The following GOLM2 variants were observed in gnomAD, a reference collection of about 807,000 sequenced individuals.
The protein encoded by GOLM2 is golgi membrane protein 2.
A neutral mutation model predicts 55.9 loss-of-function variants in GOLM2; 26 were observed. The ratio of observed to expected loss-of-function variants is 0.47; its 90% CI spans 0.34 to 0.65. GOLM2 has a LOEUF of 0.65. Among genes scored for constraint, GOLM2 ranks in the 30% least tolerant of loss-of-function variants. The pLI is 0.01. For synonymous variants in GOLM2, 165 were observed against 194.6 expected (o/e 0.85, Z 1.27); for missense variants, 486 against 531.8 (o/e 0.91, Z 0.85).
At chr15:44,353,107 A>G (rs2079175816) in intron 6 of GOLM2, among the ~76,000 whole-genome samples, 1 of 152,234 alleles carries the variant, frequency 6.6e-6, no homozygotes, top group African/African-American at 2.4e-5. Context: ...AAGAAGACGT[A>G]CAAATGGCAA....
intron 2 of GOLM2, among the ~76,000 whole-genome samples, chr15:44,328,094 C>T (rs938335379): frequency 6.6e-6 from 1 of 152,168 alleles, no homozygotes; most frequent in African/African-American, 2.4e-5. Flanking sequence ...GTCTCCACAG[C>T]TTAGCATGTG....
At position 44,402,943 on chromosome 15, in the gene GOLM2, G is replaced by T; in HGVS notation, c.1129G>T (p.Ala377Ser). 6.2e-7 allele frequency: 1 copy of T among 1,614,012 alleles called. No individual in the cohort carries two copies. Among genetic ancestry groups the T allele is most frequent in the Non-Finnish European group, 8.5e-7 (1 of 1,180,012 alleles). Residue 377 changes from alanine (A) to serine (S), a missense_variant, in exon 9 of 10, where the codon GCG becomes TCG. Physicochemically the swap from Ala to Ser is moderately conservative, Grantham distance 99 (BLOSUM62 1). Transcript: ENST00000299957. ...TGATCCGCAGCATGGCTCTAAACTG[G>T]CGGATTATAATGGGGATGATGGTAA... Reference protein sequence around the residue: ...PVDPQHGSKLADYNGDDGNVG... With the variant: ...PVDPQHGSKLSDYNGDDGNVG...
At chr15:44,307,206 C>T (rs2078843519) in intron 1 of GOLM2, 1 of 152,964 alleles carries the variant, frequency 6.5e-6, no homozygotes, top group Non-Finnish European at 1.5e-5. Flanking sequence ...TAACATGATA[C>T]TAATTCTTTT....
intron 4 of GOLM2, among the ~76,000 whole-genome samples, chr15:44,334,811 C>T (rs762209796): frequency 2.6e-5 from 4 of 152,162 alleles, no homozygotes; most frequent in Non-Finnish European, 5.9e-5. Flanking sequence ...GTGGGTGGAT[C>T]ATGAGGTCAG....
At chr15:44,318,157 A>G (rs1356158656) in intron 1 of GOLM2, among the ~76,000 whole-genome samples, 1 of 152,186 alleles carries the variant, frequency 6.6e-6, no homozygotes, top group East Asian at 1.9e-4. Context: ...ATTTGTAGAC[A>G]CTGAAGTTTC....
In GOLM2 at chr15:44,332,056, AC is replaced by A; in HGVS notation, c.556del (p.Gln186SerfsTer3). ...GAAGAAAATATTAAAAAGTTAGCAG[AC>A]CAGTTTTTAGAGGAACAAAAGGTAA... is the stretch of plus-strand genomic sequence containing the variant. ...QHEENIKKLA[D>X]QFLEEQKQET... On this transcript the variant is annotated frameshift_variant, in exon 4 of 10. Coordinates refer to ENST00000299957, the MANE Select transcript of GOLM2 (RefSeq NM_138423.4). LOFTEE classifies it high-confidence loss of function. 6.3e-7 allele frequency: 1 copy of A among 1,592,292 alleles called. No individual in the cohort carries two copies. Among genetic ancestry groups the A allele is most frequent in the Non-Finnish European group, 8.6e-7 (1 of 1,166,220 alleles).
intron 4 of GOLM2, among the ~76,000 whole-genome samples, chr15:44,333,122 CAG>C (rs2079033375): frequency 6.6e-6 from 1 of 152,070 alleles, no homozygotes; most frequent in East Asian, 1.9e-4. Flanking sequence ...TTAGTAGAGA[CAG>C]GGTTTCACCA....
intron 9 of GOLM2, among the ~76,000 whole-genome samples, chr15:44,410,732 CAA>C (rs35065961): frequency 1.1e-4 from 11 of 96,068 alleles, no homozygotes; most frequent in Non-Finnish European, 8.8e-5. Context: ...CCTGTCTCTA[CAA>C]AAAAAAAAAA....
intron 1 of GOLM2, among the ~76,000 whole-genome samples, chr15:44,300,616 A>G (rs1044791286): frequency 5.3e-5 from 8 of 152,210 alleles, no homozygotes; most frequent in African/African-American, 1.9e-4. Flanking sequence ...CAGTTCTTAT[A>G]GTGTGGCATG....
Position 44,328,718 on chromosome 15 carries a change from G to C in GOLM2, c.416G>C (p.Arg139Pro), listed in dbSNP as rs1225761457. 3.7e-6 allele frequency: 6 copies of C among 1,612,952 alleles called. No individual in the cohort carries two copies. Among genetic ancestry groups the C allele is most frequent in the Non-Finnish European group, 5.1e-6 (6 of 1,179,686 alleles). Residue 139 changes from arginine to proline, a missense_variant, in exon 3 of 10, where the codon CGA (arginine) becomes CCA (proline). Coordinates refer to ENST00000299957, the MANE Select transcript of GOLM2 (RefSeq NM_138423.4). The part of the protein sequence containing the change: ...QLAELRQEFL[R>P]QEDQLQDYRK... The stretch of plus-strand genomic sequence containing the variant: ...GCTGAGCTTCGTCAGGAATTTCTTC[G>C]ACAAGAAGACCAGCTTCAGGACTAT...
intron 8 of GOLM2, among the ~76,000 whole-genome samples, chr15:44,387,967 C>G (rs1200825916): frequency 6.6e-6 from 1 of 151,572 alleles, no homozygotes; most frequent in Non-Finnish European, 1.5e-5. Flanking sequence ...CATAAATATA[C>G]TGTTCTTTTT....
chr15:44,369,067 T>TCATATATA (rs1555424961), intron 6 of GOLM2, among the ~76,000 whole-genome samples: 2 of 22,976 alleles, frequency 8.7e-5, no homozygotes, highest in African/African-American at 3.1e-4. Context: ...ATAGGATATA[T>TCATATATA]TATATATATA....
chr15:44,344,397 A>G (rs571913083), intron 6 of GOLM2, among the ~76,000 whole-genome samples: 1 of 151,614 alleles, frequency 6.6e-6, no homozygotes, highest in Admixed American at 6.6e-5. Flanking sequence ...CATACAGTGA[A>G]CCCTTACTGG....
intron 6 of GOLM2, among the ~76,000 whole-genome samples, chr15:44,360,569 T>G (rs1212265153): frequency 6.6e-6 from 1 of 152,142 alleles, no homozygotes; most frequent in Non-Finnish European, 1.5e-5. Context: ...CTGAGTGACC[T>G]ACAAAGAGAC....
chr15:44,326,174 A>C lies in GOLM2; in HGVS notation c.383-2511A>C, dbSNP rs533605959. On this transcript the variant is annotated intron_variant, in intron 2 of 9. Transcript: ENST00000299957. ...CAACTCAGGAGGCTGAGGCAGGAGA[A>C]TCGCTTGAACCTGGGAGGCAGAGGT... 2.0e-5 allele frequency among the ~76,000 whole-genome samples: 3 copies of C among 151,838 alleles called. No individual in the cohort carries two copies. In the South Asian group the frequency reaches 6.2e-4, roughly 32 times the overall value.
chr15:44,402,828 A>G, intron 8 of GOLM2, 59 bp from the exon 9 acceptor site: 1 of 1,568,416 alleles, frequency 6.4e-7, no homozygotes. Context: ...TGCCTTCCGT[A>G]TAGATTCCTT....
chr15:44,404,737 C>G (rs1162455914), intron 9 of GOLM2, among the ~76,000 whole-genome samples: 2 of 151,866 alleles, frequency 1.3e-5, no homozygotes, highest in Admixed American at 6.6e-5. Context: ...CCTTTTCTAC[C>G]TTTATACCCA....
chr15:44,348,595 G>A (rs1254661623), intron 6 of GOLM2: 1 of 152,250 alleles, frequency 6.6e-6, no homozygotes, highest in East Asian at 1.9e-4. Flanking sequence ...TTGCCACCCT[G>A]AAAGGAAGGA....
chr15:44,366,559 A>G (rs1286284814), intron 6 of GOLM2, among the ~76,000 whole-genome samples: 2 of 152,112 alleles, frequency 1.3e-5, no homozygotes, highest in African/African-American at 4.8e-5. Context: ...ACTTGAGCAC[A>G]GGGGATTGAG....
Sources: allele counts gnomAD v4.1 joint callset (sites outside exome capture counted in the v4.1 genomes callset), GRCh38; gene constraint gnomAD v4.1.1; transcripts MANE v1.5; gene names NCBI Gene and HGNC (gene_info 2026-07-23, HGNC 2026-07-21).